The following CYRIB variants were observed in gnomAD, a reference collection of about 807,000 sequenced individuals.
The protein encoded by CYRIB is CYFIP related Rac1 interactor B.
A neutral mutation model predicts 44.2 loss-of-function variants in CYRIB; 8 were observed. That is an observed-to-expected ratio of 0.18 (90% CI 0.11 to 0.33). The LOEUF is 0.33. Among genes scored for constraint, CYRIB ranks in the 10% least tolerant of loss-of-function variants. The pLI is 1.00. For missense variants in CYRIB, 185 were observed against 382.8 expected (o/e 0.48, Z 4.31); for synonymous variants, 131 against 127.2 (o/e 1.03, Z -0.20).
At chr8:129,980,678 GA>G (rs889119970) in intron 1 of CYRIB, among the ~76,000 whole-genome samples, 17 of 144,500 alleles carry the variant, frequency 1.2e-4, no homozygotes, top group African/African-American at 3.1e-4. Flanking sequence ...AAAAGAAAAA[GA>G]AAAAAAAAAC....
rs2090532178 is a variant in CYRIB at position 129,930,365 on chromosome 8, T to TATATATATATATATATATATATATATA, written c.-50+9242_-50+9243insTATATATATATATATATATATATATAT. On this transcript the variant is annotated intron_variant, in intron 1 of 11. Transcript: ENST00000519824. Reference sequence around the variant, plus strand: ...TCAACTAGGAAGAATTGTGAAGTGCTTATATATATATATATTTTAATTATT... The same window carrying TATATATATATATATATATATATATATA: ...TCAACTAGGAAGAATTGTGAAGTGCTATATATATATATATATATATATATATATATATATATATATATTTTAATTATT... Among the ~76,000 whole-genome samples, 233 of 50,416 alleles carry TATATATATATATATATATATATATATA rather than the reference T, an allele frequency of 4.6e-3. 13 individuals carry two copies. The highest frequency in any genetic ancestry group is 7.5e-3 in the Non-Finnish European group (188 of 25,218). 33.1% of individuals were successfully genotyped at this position (50,416 alleles called of 152,430 possible).
chr8:129,994,401 G>A, intron 1 of CYRIB, among the ~76,000 whole-genome samples: 1 of 152,342 alleles, frequency 6.6e-6, no homozygotes, highest in Admixed American at 6.5e-5. Flanking sequence ...TCCCCAGTTT[G>A]TGAGATGTGT....
At chr8:129,984,765 GT>G (rs553189841) in intron 1 of CYRIB, among the ~76,000 whole-genome samples, 2 of 151,736 alleles carry the variant, frequency 1.3e-5, no homozygotes, top group Admixed American at 6.6e-5. Context: ...AGTGGTGGGG[GT>G]TTTTTTTGTT....
At chr8:129,842,184 A>G in exon 12 of CYRIB, 1 of 1,612,438 alleles carries the variant, frequency 6.2e-7, no homozygotes, top group Non-Finnish European at 8.5e-7. Context: ...TAGTCTCATC[A>G]TTCAAATGTT....
At chr8:129,899,594 A>G (rs1012251764) in intron 2 of CYRIB, among the ~76,000 whole-genome samples, 2 of 152,238 alleles carry the variant, frequency 1.3e-5, no homozygotes, top group Non-Finnish European at 1.5e-5. Flanking sequence ...GTCAACCTAC[A>G]TAACAGAGAG....
chr8:129,943,215 A>G (rs2093866378), upstream of CYRIB, among the ~76,000 whole-genome samples: 2 of 151,952 alleles, frequency 1.3e-5, no homozygotes, highest in Admixed American at 1.3e-4. Context: ...TTGCACTTAA[A>G]ACAAAGCATG....
chr8:129,999,631 A>G (rs1757299550), intron 1 of CYRIB, among the ~76,000 whole-genome samples: 1 of 152,052 alleles, frequency 6.6e-6, no homozygotes, highest in African/African-American at 2.4e-5. Flanking sequence ...GTGCTTTTGT[A>G]TTTTTAATAT....
chr8:129,862,083 A>T lies in CYRIB; in HGVS notation c.301+146T>A, dbSNP rs76297302. On this transcript the variant is annotated intron_variant, in intron 5 of 11. Coordinates refer to ENST00000519824, the Ensembl canonical transcript of CYRIB. Reference sequence around the variant, plus strand: ...CAGGGTTGAAAGAAGATTAACTATAATCTTACAGTCTAACAAGCTTGCTTT... The same window carrying T: ...CAGGGTTGAAAGAAGATTAACTATATTCTTACAGTCTAACAAGCTTGCTTT... 3,400 of 599,630 alleles carry T rather than the reference A, an allele frequency of 5.7e-3. 63 individuals carry two copies. Among genetic ancestry groups the T allele is most frequent in the African/African-American group, 0.046 (2,490 of 53,726 alleles). The allele number at this position is 599,630 out of a possible 1,614,324, so 37.1% of individuals were successfully genotyped here. A position where few individuals can be genotyped will look rare whatever the true frequency, so the allele number is the denominator to read the frequency against.
In CYRIB at chr8:129,966,609, T is replaced by C. The variant is rs563723410; in HGVS notation, c.-243+4334A>G. Among the ~76,000 whole-genome samples, 42 of 152,302 alleles carry C rather than the reference T, an allele frequency of 2.8e-4. No individual in the cohort carries two copies. In the South Asian group the frequency reaches 4.6e-3, roughly 17 times the overall value. On this transcript the variant is annotated intron_variant, in intron 2 of 14. Transcript: ENST00000401979. Reference sequence around the variant, plus strand: ...CAGGCGCAGTGGCTCATGCCTGTAATCCTAGCACTTTGGGAGGCCAAGGCA... The same window carrying C: ...CAGGCGCAGTGGCTCATGCCTGTAACCCTAGCACTTTGGGAGGCCAAGGCA...
chr8:129,943,086 A>ACCCCCCCCCCCCCCC (rs779721289), upstream of CYRIB, among the ~76,000 whole-genome samples: 13 of 101,578 alleles, frequency 1.3e-4, no homozygotes, highest in Non-Finnish European at 1.5e-4. Flanking sequence ...TGCACCGCCC[A>ACCCCCCCCCCCCCCC]CCCGCCCCCC....
intron 5 of CYRIB, among the ~76,000 whole-genome samples, chr8:129,857,769 C>G (rs1412346204): frequency 6.6e-6 from 1 of 152,186 alleles, no homozygotes; most frequent in Non-Finnish European, 1.5e-5. Context: ...TTCATTCTTT[C>G]TGTTGGTGTT....
intron 1 of CYRIB, among the ~76,000 whole-genome samples, chr8:129,980,890 G>A (rs1411387726): frequency 6.6e-6 from 1 of 151,380 alleles, no homozygotes; most frequent in Non-Finnish European, 1.5e-5. Flanking sequence ...AGGCTGAGGT[G>A]GGAGGATCGC....
chr8:129,945,009 T>G (rs1246336902), intron 2 of CYRIB, among the ~76,000 whole-genome samples: 2 of 152,106 alleles, frequency 1.3e-5, no homozygotes, highest in Non-Finnish European at 2.9e-5. Flanking sequence ...TCATTTGGCT[T>G]TGGGTATTTT....
intron 5 of CYRIB, among the ~76,000 whole-genome samples, chr8:129,859,019 CG>C (rs1486452579): frequency 6.6e-6 from 1 of 152,140 alleles, no homozygotes; most frequent in African/African-American, 2.4e-5. Flanking sequence ...CAGCTGGGCC[CG>C]GGGGACCACT....
intron 5 of CYRIB, among the ~76,000 whole-genome samples, chr8:129,861,482 C>G (rs1382043591): frequency 6.6e-6 from 1 of 152,090 alleles, no homozygotes; most frequent in Non-Finnish European, 1.5e-5. Context: ...CTTTGTCGCC[C>G]AGGCTGGAGT....
chr8:129,907,446 T>C (rs995116553), intron 1 of CYRIB, among the ~76,000 whole-genome samples: 1 of 146,276 alleles, frequency 6.8e-6, no homozygotes, highest in Non-Finnish European at 1.5e-5. Flanking sequence ...GTGCCTGTTA[T>C]GGGGTGGGGG....
chr8:129,951,033 G>A (rs2094473549), intron 2 of CYRIB, among the ~76,000 whole-genome samples: 1 of 152,088 alleles, frequency 6.6e-6, no homozygotes, highest in South Asian at 2.1e-4. Context: ...GGCCAGACAG[G>A]GTGGCTCACG....
chr8:129,963,121 G>A (rs994486478), intron 2 of CYRIB, among the ~76,000 whole-genome samples: 2 of 152,140 alleles, frequency 1.3e-5, no homozygotes, highest in African/African-American at 2.4e-5. Context: ...TTTACCTCCT[G>A]CTAGAACCGC....
chr8:129,884,411 C>A (rs951483338), intron 2 of CYRIB, among the ~76,000 whole-genome samples: 19 of 152,080 alleles, frequency 1.2e-4, no homozygotes, highest in Non-Finnish European at 2.8e-4. Context: ...GCCTCAGCCT[C>A]CTGAGTAGCT....
Sources: allele counts gnomAD v4.1 joint callset (sites outside exome capture counted in the v4.1 genomes callset), GRCh38; gene constraint gnomAD v4.1.1; transcripts MANE v1.5; gene names NCBI Gene and HGNC (gene_info 2026-07-23, HGNC 2026-07-21).